The following KCTD15 variants were observed in gnomAD, a reference collection of about 807,000 sequenced individuals.
KCTD15 encodes BTB/POZ domain-containing protein KCTD15.
A neutral mutation model predicts 27.2 loss-of-function variants in KCTD15; 11 were observed. The observed-to-expected ratio is 0.41, with a 90% CI of 0.25 to 0.67. The LOEUF is 0.67. Among genes scored for constraint, KCTD15 ranks in the 30% least tolerant of loss-of-function variants. KCTD15 has a pLI of 0.35. For synonymous variants in KCTD15, 163 were observed against 176.0 expected (o/e 0.93, Z 0.58); for missense variants, 350 against 409.3 (o/e 0.86, Z 1.25).
chr19:33,813,411 A>G lies in KCTD15; in HGVS notation c.*463A>G, dbSNP rs1276326922. On this transcript the variant is annotated 3_prime_UTR_variant, in exon 7 of 7. Coordinates refer to ENST00000683859, the MANE Select transcript of KCTD15 (RefSeq NM_001129994.2). ...CTAACTGCAAAAGTCAGAGAGGCTG[A>G]CAAGGACCAATGCTTCTTTATCTGG... is the stretch of plus-strand genomic sequence containing the variant. The G allele has an allele frequency of 2.0e-5, 9 of 459,058 alleles. No individual in the cohort carries two copies. The East Asian group carries it at 3.4e-4, about 18-fold the overall frequency. 28.4% of individuals were successfully genotyped at this position (459,058 alleles called of 1,614,324 possible). A position where few individuals can be genotyped will look rare whatever the true frequency, so the allele number is the denominator to read the frequency against.
chr19:33,813,239 CG>C lies in KCTD15; in HGVS notation c.*295del. 1.6e-6 allele frequency: 1 copy of C among 627,598 alleles called. No homozygotes were observed. The highest frequency in any genetic ancestry group is 3.0e-6 in the Non-Finnish European group (1 of 338,026). The allele number at this position is 627,598 out of a possible 1,614,324, so 38.9% of individuals were successfully genotyped here. A position where few individuals can be genotyped will look rare whatever the true frequency, so the allele number is the denominator to read the frequency against. ...CCTGGCGCAGCATCCTCTGAGGCCC[CG>C]GGGCCTGTTGGGGCGGGGTTGGAAG... On this transcript the variant is annotated 3_prime_UTR_variant, in exon 7 of 7. Coordinates refer to ENST00000683859, the MANE Select transcript of KCTD15 (RefSeq NM_001129994.2).
intron 5 of KCTD15, 48 bp from the exon 6 acceptor site, chr19:33,811,197 ACC>A: frequency 5.5e-6 from 1 of 181,214 alleles, no homozygotes; most frequent in Non-Finnish European, 9.6e-6. Flanking sequence ...CCCTTCCCCC[ACC>A]ACCCCTACTC....
rs1408652440 is a variant in KCTD15, at chr19:33,814,181, C to T, written c.*1233C>T. ...TGTAAAGATGCTGATGTACAATTGT[C>T]GTGCATTTGTGTGAACACATTGCGT... On this transcript the variant is annotated 3_prime_UTR_variant, in exon 7 of 7. Coordinates refer to ENST00000683859, the MANE Select transcript of KCTD15 (RefSeq NM_001129994.2). 1 of 152,620 alleles carries T rather than the reference C, an allele frequency of 6.6e-6. No homozygotes were observed. The highest frequency in any genetic ancestry group is 1.5e-5 in the Non-Finnish European group (1 of 68,038). The allele number at this position is 152,620 out of a possible 1,614,324, so 9.5% of individuals were successfully genotyped here.
rs1975988778 is a variant in KCTD15, at chr19:33,813,261, G to GGAA, written c.*316_*318dup. ...CCCCGGGGCCTGTTGGGGCGGGGTTGGAAGAGCCGTCTGCAGCTACTTCAG... is the reference window on the plus strand; with the variant it reads ...CCCCGGGGCCTGTTGGGGCGGGGTTGGAAGAAGAGCCGTCTGCAGCTACTTCAG... On this transcript the variant is annotated 3_prime_UTR_variant, in exon 7 of 7. Transcript: ENST00000683859. The GGAA allele has an allele frequency of 1.6e-6, 1 of 608,306 alleles. No homozygotes were observed. The highest frequency in any genetic ancestry group is 3.1e-6 in the Non-Finnish European group (1 of 325,310). The allele number at this position is 608,306 out of a possible 1,614,324, so 37.7% of individuals were successfully genotyped here.
At chr19:33,807,573 T>G (rs1006209516) in intron 5 of KCTD15, among the ~76,000 whole-genome samples, 1 of 151,776 alleles carries the variant, frequency 6.6e-6, no homozygotes, top group Non-Finnish European at 1.5e-5. Context: ...AATAGAAAAA[T>G]TAGCCAGGCG....
chr19:33,802,991 C>G (rs769292456), intron 4 of KCTD15, among the ~76,000 whole-genome samples: 1 of 152,164 alleles, frequency 6.6e-6, no homozygotes, highest in Non-Finnish European at 1.5e-5. Context: ...CACTGTGCTG[C>G]TCACCCATTG....
upstream of KCTD15, among the ~76,000 whole-genome samples, chr19:33,794,192 T>C (rs1249889312): frequency 1.3e-5 from 2 of 152,212 alleles, no homozygotes; most frequent in Admixed American, 1.3e-4. Flanking sequence ...AGCTCTGTAG[T>C]TCCATGAATA....
At position 33,811,149 on chromosome 19, in the gene KCTD15, C is replaced by A. The variant is rs946212693; in HGVS notation, c.388-98C>A. ...AATACCCTGCGAGTCGCAGTTCCTG[C>A]AGAATTGGTTGGAACCGGCAGGCCG... On this transcript the variant is annotated intron_variant, in intron 5 of 6. Transcript: ENST00000683859. 4.0e-5 allele frequency: 42 copies of A among 1,041,214 alleles called. No individual in the cohort carries two copies. In the Middle Eastern group the frequency reaches 2.9e-3, roughly 71 times the overall value. The allele number at this position is 1,041,214 out of a possible 1,614,324, so 64.5% of individuals were successfully genotyped here.
chr19:33,799,386 C>T (rs1975454146), intron 2 of KCTD15, among the ~76,000 whole-genome samples: 2 of 152,228 alleles, frequency 1.3e-5, no homozygotes, highest in South Asian at 4.1e-4. Flanking sequence ...GTTAAACCTT[C>T]GAGAGACGTC....
chr19:33,800,528 T>G lies in KCTD15; in HGVS notation c.66+8T>G. On this transcript the variant is annotated splice_region_variant and intron_variant, in intron 3 of 6. Transcript: ENST00000683859. ...GGCAGCACCGGCACCGCGGTGAGCC[T>G]GCAGGGTGGGCTGGGTCCCTGCCGG... is the stretch of plus-strand genomic sequence containing the variant. The G allele has an allele frequency of 1.3e-6, 2 of 1,585,940 alleles. No homozygotes were observed. The highest frequency in any genetic ancestry group is 1.7e-6 in the Non-Finnish European group (2 of 1,166,604).
intron 1 of KCTD15, chr19:33,797,439 G>A: frequency 2.2e-6 from 1 of 454,064 alleles, no homozygotes; most frequent in Non-Finnish European, 4.4e-6. Context: ...CCCAAAATCA[G>A]AGAAAGTCTC....
rs138290150 is a variant in KCTD15 at position 33,809,803 on chromosome 19, C to G, written c.388-1444C>G. ...GGAGGATCCCTTGAGCCTGGGAGTT[C>G]AAGGCTGCAGTGAGCTATGATCACA... is the stretch of plus-strand genomic sequence containing the variant. On this transcript the variant is annotated intron_variant, in intron 5 of 6. Coordinates refer to ENST00000683859, the MANE Select transcript of KCTD15 (RefSeq NM_001129994.2). Among the ~76,000 whole-genome samples, 1,303 of 152,126 alleles carry G rather than the reference C, an allele frequency of 8.6e-3. 18 individuals carry two copies. The highest frequency in any genetic ancestry group is 0.03 in the African/African-American group (1,244 of 41,494).
At chr19:33,801,055 C>T in intron 3 of KCTD15, 112 bp from the exon 4 acceptor site, 1 of 1,007,642 alleles carries the variant, frequency 9.9e-7, no homozygotes, top group Non-Finnish European at 1.4e-6. Context: ...CAGAAGTGAT[C>T]TGATTAGATC....
At chr19:33,797,338 G>T in intron 1 of KCTD15, 1 of 444,896 alleles carries the variant, frequency 2.2e-6, no homozygotes, top group Non-Finnish European at 4.5e-6. Flanking sequence ...CCCTGTTCTG[G>T]GCCGAGCGCC....
chr19:33,798,372 T>A (rs1426859374), intron 1 of KCTD15: 1 of 152,060 alleles, frequency 6.6e-6, no homozygotes, highest in Non-Finnish European at 1.5e-5. Flanking sequence ...GCGAGCGCAA[T>A]GGGACACAAA....
At chr19:33,794,226 C>G (rs1246565699), upstream of KCTD15, among the ~76,000 whole-genome samples, 2 of 152,182 alleles carry the variant, frequency 1.3e-5, no homozygotes, top group African/African-American at 4.8e-5. Flanking sequence ...ATATTAAAAC[C>G]AATCTCATGG....
At chr19:33,801,675 T>G in intron 4 of KCTD15, 5 of 217,840 alleles carry the variant, frequency 2.3e-5, no homozygotes, top group Non-Finnish European at 3.6e-5. Context: ...ACCTTCAAGG[T>G]TCCTCTGGAG....
chr19:33,811,304 G>A lies in KCTD15; in HGVS notation c.445G>A (p.Glu149Lys), dbSNP rs1262903582. 1.3e-6 allele frequency: 2 copies of A among 1,548,614 alleles called. No individual in the cohort carries two copies. The highest frequency in any genetic ancestry group is 1.4e-5 in the African/African-American group (1 of 73,150). The change falls in exon 6 of 7, where the codon GAG (glutamate) becomes AAG (lysine). Residue 149 changes from glutamate (E) to lysine (K), a missense_variant. By Grantham distance (56) the Glu-to-Lys change is moderately conservative (BLOSUM62 1). Around this residue, in one of 3 missense-constraint regions of KCTD15, gnomAD observed 219 missense variants for 234.9 expected, o/e 0.93. Transcript: ENST00000683859. The part of the protein sequence containing the change: ...RYYQLQPMVR[E>K]LERWQQEQEQ... ...CTATCAGCTCCAGCCCATGGTGCGC[G>A]AGCTGGAGCGCTGGCAGCAGGAGCA...
rs1456546305 is a variant in KCTD15, at chr19:33,797,295, C to T, written c.-127+308C>T. 3.3e-4 allele frequency: 123 copies of T among 370,562 alleles called. 9 individuals carry two copies. The highest frequency in any genetic ancestry group is 3.9e-4 in the Non-Finnish European group (73 of 187,238). 23.0% of individuals were successfully genotyped at this position (370,562 alleles called of 1,614,324 possible). On this transcript the variant is annotated intron_variant, in intron 1 of 6. Transcript: ENST00000683859. ...GTGTGTGTGTGTGTGCGCGCGCGCGCGCGCGCGCTTGTGGAGGTCCCCGCA... is the reference window on the plus strand; with the variant it reads ...GTGTGTGTGTGTGTGCGCGCGCGCGTGCGCGCGCTTGTGGAGGTCCCCGCA...
Sources: gnomAD v4.1 joint callset for allele counts (sites outside exome capture counted in the v4.1 genomes callset) on GRCh38, gnomAD v4.1.1 for gene constraint, gnomAD v4.1.1 regional missense constraint, MANE v1.5 for transcripts, NCBI Gene and HGNC (gene_info 2026-07-23, HGNC 2026-07-21) for gene names.